The following ANKRD28 variants were observed in gnomAD, a reference collection of about 807,000 sequenced individuals.
The protein encoded by ANKRD28 is serine/threonine-protein phosphatase 6 regulatory ankyrin repeat subunit A.
ANKRD28 carries 44 observed loss-of-function variants against 126.5 expected under a neutral mutation model. The ratio of observed to expected loss-of-function variants is 0.35; its 90% CI spans 0.27 to 0.45. ANKRD28 has a LOEUF of 0.45. Among genes scored for constraint, ANKRD28 ranks in the 20% least tolerant of loss-of-function variants. The probability of loss-of-function intolerance (pLI) is 1.00; values close to 1 mark genes in which losing one functional copy is unlikely to be tolerated. For missense variants in ANKRD28, 1,110 were observed against 1,316.6 expected (o/e 0.84, Z 2.43); for synonymous variants, 442 against 468.5 (o/e 0.94, Z 0.73).
At chr3:15,850,224 TAGAGAGAG>T (rs375278547) in intron 1 of ANKRD28, among the ~76,000 whole-genome samples, 446 of 35,078 alleles carry the variant, frequency 0.013, 6 homozygotes, top group African/African-American at 0.027. Context: ...TATATATATA[TAGAGAGAG>T]AGAGAGAGAG....
At chr3:15,697,036 C>G (rs2069689306) in intron 14 of ANKRD28, among the ~76,000 whole-genome samples, 1 of 152,080 alleles carries the variant, frequency 6.6e-6, no homozygotes, top group Non-Finnish European at 1.5e-5. Context: ...TGAAACAAGT[C>G]TATTTAGGCT....
At chr3:15,789,544 T>C (rs1469154748) in intron 2 of ANKRD28, among the ~76,000 whole-genome samples, 1 of 152,110 alleles carries the variant, frequency 6.6e-6, no homozygotes, top group Non-Finnish European at 1.5e-5. Context: ...CTCTTTATTA[T>C]GAGAAAGCCA....
At chr3:15,735,044 C>T (rs2074926319) in intron 6 of ANKRD28, among the ~76,000 whole-genome samples, 1 of 152,154 alleles carries the variant, frequency 6.6e-6, no homozygotes, top group Non-Finnish European at 1.5e-5. Flanking sequence ...CACTGGTTGG[C>T]CCAAAATAAT....
chr3:15,769,898 G>T (rs2058917026), intron 2 of ANKRD28, among the ~76,000 whole-genome samples: 1 of 152,044 alleles, frequency 6.6e-6, no homozygotes, highest in Non-Finnish European at 1.5e-5. Context: ...TTTCTTAAGG[G>T]TCTAATTTCT....
chr3:15,739,569 T>C (rs2075292980), intron 4 of ANKRD28, among the ~76,000 whole-genome samples: 1 of 152,228 alleles, frequency 6.6e-6, no homozygotes, highest in Non-Finnish European at 1.5e-5. Context: ...TGTTCTTATC[T>C]GTAAAGGAGA....
chr3:15,772,709 CAG>C (rs1363809815), intron 2 of ANKRD28, among the ~76,000 whole-genome samples: 2 of 152,170 alleles, frequency 1.3e-5, no homozygotes, highest in African/African-American at 4.8e-5. Context: ...ATTTTTGAGG[CAG>C]AGTCTCCCTC....
intron 1 of ANKRD28, among the ~76,000 whole-genome samples, chr3:15,808,812 A>G (rs1028171122): frequency 6.6e-6 from 1 of 152,192 alleles, no homozygotes; most frequent in Non-Finnish European, 1.5e-5. Flanking sequence ...GCTTTCCACC[A>G]ATCAAATGAA....
chr3:15,677,701 A>C, intron 24 of ANKRD28, 139 bp from the exon 25 acceptor site: 1 of 528,326 alleles, frequency 1.9e-6, no homozygotes, highest in Non-Finnish European at 3.4e-6. Flanking sequence ...ATATTGTAAT[A>C]TATAACATAT....
At chr3:15,858,042 T>A (rs2061812845) in intron 1 of ANKRD28, among the ~76,000 whole-genome samples, 1 of 152,254 alleles carries the variant, frequency 6.6e-6, no homozygotes, top group Non-Finnish European at 1.5e-5. Flanking sequence ...CCTGCTATTC[T>A]CTAACACTGC....
At chr3:15,800,607 T>C (rs1215674728), upstream of ANKRD28, among the ~76,000 whole-genome samples, 1 of 152,106 alleles carries the variant, frequency 6.6e-6, no homozygotes, top group East Asian at 1.9e-4. Context: ...CACTTTTCAG[T>C]GATCTCTTGA....
intron 21 of ANKRD28, 63 bp downstream of exon 21, chr3:15,685,163 A>G (rs1451691352): frequency 6.4e-7 from 1 of 1,565,810 alleles, no homozygotes; most frequent in African/African-American, 1.4e-5. Flanking sequence ...TGCCTTATAA[A>G]TATGTCATTC....
chr3:15,706,934 G>T (rs2071519935), intron 14 of ANKRD28, among the ~76,000 whole-genome samples: 1 of 151,988 alleles, frequency 6.6e-6, no homozygotes, highest in Non-Finnish European at 1.5e-5. Context: ...TTTTGATGGG[G>T]TTGTTTGAAA....
At chr3:15,778,387 T>A (rs147729590) in intron 2 of ANKRD28, among the ~76,000 whole-genome samples, 8 of 152,316 alleles carry the variant, frequency 5.3e-5, no homozygotes, top group Admixed American at 5.2e-4. Context: ...ATCAAGGTGT[T>A]GATGGGCTGT....
chr3:15,828,627 A>G (rs1349012115), intron 1 of ANKRD28, among the ~76,000 whole-genome samples: 1 of 130,700 alleles, frequency 7.7e-6, no homozygotes, highest in Non-Finnish European at 1.6e-5. Flanking sequence ...TTCTTTCTAT[A>G]ACACCAGCTT....
At chr3:15,698,310 T>C (rs2069991657) in intron 14 of ANKRD28, among the ~76,000 whole-genome samples, 1 of 152,166 alleles carries the variant, frequency 6.6e-6, no homozygotes, top group Non-Finnish European at 1.5e-5. Flanking sequence ...ACTGGAAGCA[T>C]TCCCTTTGAA....
At chr3:15,793,995 G>A (rs966047153) in intron 2 of ANKRD28, among the ~76,000 whole-genome samples, 6 of 152,180 alleles carry the variant, frequency 3.9e-5, no homozygotes, top group East Asian at 1.9e-4. Flanking sequence ...GCTTGAACCC[G>A]GGAGGCAGAG....
chr3:15,685,859 T>C, intron 20 of ANKRD28, 143 bp downstream of exon 20: 2 of 681,980 alleles, frequency 2.9e-6, no homozygotes, highest in South Asian at 4.2e-5. Context: ...AAAATTAGCA[T>C]TTAAAAACTA....
intron 16 of ANKRD28, 50 bp downstream of exon 16, chr3:15,695,138 G>A (rs1166211561): frequency 3.5e-6 from 5 of 1,425,418 alleles, no homozygotes; most frequent in African/African-American, 1.4e-5. Context: ...TAACTGGTAG[G>A]AGGGAACTGA....
chr3:15,764,508 G>A (rs1011851844), intron 3 of ANKRD28, among the ~76,000 whole-genome samples: 1 of 147,944 alleles, frequency 6.8e-6, no homozygotes, highest in Non-Finnish European at 1.5e-5. Flanking sequence ...TTGAGCATTT[G>A]AAAAGTTTCT....
Sources: gnomAD v4.1 joint callset for allele counts (sites outside exome capture counted in the v4.1 genomes callset) on GRCh38, gnomAD v4.1.1 for gene constraint, MANE v1.5 for transcripts, NCBI Gene and HGNC (gene_info 2026-07-23, HGNC 2026-07-21) for gene names.